Variants in HDAC9 observed in about 807,000 individuals in gnomAD.
HDAC9 encodes the protein MEF-2 interacting transcription repressor (MITR) protein.
In HDAC9, 41 loss-of-function variants were observed where a neutral mutation model predicts 139.4. That is an observed-to-expected ratio of 0.29 (90% CI 0.23 to 0.38). The LOEUF (loss-of-function observed/expected upper bound fraction) is 0.38. HDAC9 is among the 10% of genes least tolerant of loss of function. The probability of loss-of-function intolerance (pLI) is 1.00; values close to 1 mark genes in which losing one functional copy is unlikely to be tolerated. For missense variants in HDAC9, 1,147 were observed against 1,297.0 expected (o/e 0.88, Z 1.78); for synonymous variants, 517 against 476.2 (o/e 1.09, Z -1.12).
At chr7:18,086,963 G>A (rs1241023901) in exon 1 of HDAC9, 3 of 147,000 alleles carry the variant, frequency 2.0e-5, no homozygotes, top group Admixed American at 1.3e-4. Flanking sequence ...CGCGCACCGA[G>A]CCGGCCGCGC....
chr7:18,874,202 T>C (rs1799145027), intron 21 of HDAC9, among the ~76,000 whole-genome samples: 1 of 151,526 alleles, frequency 6.6e-6, no homozygotes, highest in South Asian at 2.1e-4. Flanking sequence ...GTATGTGTAA[T>C]ATGATGGGCT....
Position 18,147,828 on chromosome 7 carries a change from TA to T in HDAC9, c.-96-14400del, listed in dbSNP as rs539535249. 6.5e-3 allele frequency among the ~76,000 whole-genome samples: 985 copies of T among 152,242 alleles called. 11 individuals carry two copies. Among genetic ancestry groups the T allele is most frequent in the African/African-American group, 0.023 (957 of 41,558 alleles). ...ATTTCATATGTTCTTGAACTTTATA[TA>T]TGTGGTATATTATATAAATCATTTT... On this transcript the variant is annotated intron_variant, in intron 1 of 12. Transcript: ENST00000417496.
intron 2 of HDAC9, among the ~76,000 whole-genome samples, chr7:18,565,722 A>C (rs1042070150): frequency 3.3e-5 from 5 of 152,198 alleles, no homozygotes; most frequent in Non-Finnish European, 7.4e-5. Flanking sequence ...GAAATAATAA[A>C]AGCAAATTGG....
chr7:18,127,815 T>A (rs894484968), intron 1 of HDAC9, among the ~76,000 whole-genome samples: 6 of 152,106 alleles, frequency 3.9e-5, no homozygotes, highest in Non-Finnish European at 8.8e-5. Flanking sequence ...GTTTTTAATT[T>A]TATCTAAAAT....
At chr7:18,358,034 G>T (rs564245102) in intron 1 of HDAC9, among the ~76,000 whole-genome samples, 11 of 152,226 alleles carry the variant, frequency 7.2e-5, no homozygotes, top group African/African-American at 2.6e-4. Flanking sequence ...CAGAAGTTTA[G>T]AAGGTGTAGC....
At chr7:18,349,669 T>C (rs1428629717) in intron 1 of HDAC9, among the ~76,000 whole-genome samples, 3 of 151,998 alleles carry the variant, frequency 2.0e-5, no homozygotes, top group African/African-American at 4.8e-5. Context: ...CCTAATATTG[T>C]CTTTGTTAAG....
At chr7:18,583,463 A>G (rs1204792094) in intron 2 of HDAC9, among the ~76,000 whole-genome samples, 5 of 152,104 alleles carry the variant, frequency 3.3e-5, no homozygotes, top group African/African-American at 9.7e-5. Context: ...ACTCATGCCT[A>G]TAATCTCAGA....
chr7:18,322,673 G>C (rs546712920), intron 1 of HDAC9, among the ~76,000 whole-genome samples: 1 of 152,124 alleles, frequency 6.6e-6, no homozygotes, highest in Non-Finnish European at 1.5e-5. Flanking sequence ...ATCCAAGGTG[G>C]TTTTCTTGTT....
intron 1 of HDAC9, among the ~76,000 whole-genome samples, chr7:18,404,118 A>G (rs1389360614): frequency 6.6e-6 from 1 of 152,232 alleles, no homozygotes; most frequent in East Asian, 1.9e-4. Flanking sequence ...ATGAGGCAAT[A>G]CGTATCTTCA....
intron 25 of HDAC9, among the ~76,000 whole-genome samples, chr7:18,980,778 CTCT>C (rs774018409): frequency 1.4e-4 from 13 of 96,026 alleles, no homozygotes; most frequent in East Asian, 8.5e-4. Context: ...CTTCTTCTTC[CTCT>C]TCTTCTTCTT....
chr7:18,294,473 A>G (rs993223239), intron 1 of HDAC9, among the ~76,000 whole-genome samples: 1 of 152,188 alleles, frequency 6.6e-6, no homozygotes, highest in African/African-American at 2.4e-5. Flanking sequence ...TTAACTTTAA[A>G]CAACCTGAAT....
chr7:18,658,909 A>AC lies in HDAC9; in HGVS notation c.1468-7304_1468-7303insC, dbSNP rs201326922. 5.3e-5 allele frequency among the ~76,000 whole-genome samples: 8 copies of AC among 150,598 alleles called. No homozygotes were observed. In the East Asian group the frequency reaches 5.8e-4, roughly 11 times the overall value. The stretch of plus-strand genomic sequence containing the variant: ...AAAAGAAAAAAAAAGCAAAAAAAAA[A>AC]AAAACAAAACAACAACAACAACTTC... On this transcript the variant is annotated intron_variant, in intron 11 of 25. Transcript: ENST00000686413.
At chr7:18,910,465 T>C (rs953471598) in intron 22 of HDAC9, among the ~76,000 whole-genome samples, 1 of 151,916 alleles carries the variant, frequency 6.6e-6, no homozygotes, top group African/African-American at 2.4e-5. Flanking sequence ...TTTAGGTCTT[T>C]ATATGTGATT....
intron 2 of HDAC9, among the ~76,000 whole-genome samples, chr7:18,193,929 G>GT (rs1301769960): frequency 6.6e-6 from 1 of 152,100 alleles, no homozygotes; most frequent in Non-Finnish European, 1.5e-5. Context: ...ATATTATTCT[G>GT]TTTTTACTTT....
At chr7:18,553,011 A>T (rs1481783680) in intron 2 of HDAC9, among the ~76,000 whole-genome samples, 2 of 152,166 alleles carry the variant, frequency 1.3e-5, no homozygotes, top group African/African-American at 2.4e-5. Context: ...TGAACCTTTT[A>T]AAAAAATTAT....
chr7:18,515,204 C>T (rs1452081835), intron 2 of HDAC9, among the ~76,000 whole-genome samples: 1 of 152,118 alleles, frequency 6.6e-6, no homozygotes, highest in Non-Finnish European at 1.5e-5. Context: ...ATCAAGATAA[C>T]AAGAGTATTT....
intron 1 of HDAC9, among the ~76,000 whole-genome samples, chr7:18,335,623 G>T (rs966851970): frequency 6.6e-6 from 1 of 151,564 alleles, no homozygotes; most frequent in African/African-American, 2.4e-5. Context: ...AAAGATTAAT[G>T]GGGAAAGTAG....
intron 22 of HDAC9, among the ~76,000 whole-genome samples, chr7:18,913,523 G>A (rs926399098): frequency 7.9e-5 from 12 of 152,074 alleles, no homozygotes; most frequent in Admixed American, 4.6e-4. Flanking sequence ...AATAATATGC[G>A]TAATTTTCTT....
chr7:18,729,313 A>G (rs1441607941), intron 13 of HDAC9, among the ~76,000 whole-genome samples: 3 of 151,584 alleles, frequency 2.0e-5, no homozygotes, highest in Non-Finnish European at 4.4e-5. Flanking sequence ...ATTAAAAATA[A>G]TATTAAAAAT....
Sources: gnomAD v4.1 joint callset for allele counts (sites outside exome capture counted in the v4.1 genomes callset) on GRCh38, gnomAD v4.1.1 for gene constraint, MANE v1.5 for transcripts, NCBI Gene and HGNC (gene_info 2026-07-23, HGNC 2026-07-21) for gene names.